LRP1B: variants seen among roughly 807,000 people sequenced by gnomAD.
The protein encoded by LRP1B is LDL receptor related protein 1B.
LRP1B carries 217 observed loss-of-function variants against 556.6 expected under a neutral mutation model. The ratio of observed to expected loss-of-function variants is 0.39; its 90% confidence interval spans 0.35 to 0.44. LRP1B has a LOEUF of 0.44. LRP1B is among the 20% of genes least tolerant of loss of function. The probability of loss-of-function intolerance (pLI) is 1.00; values close to 1 mark genes in which losing one functional copy is unlikely to be tolerated. For synonymous variants in LRP1B, 2,047 were observed against 1,865.8 expected, an observed-to-expected ratio of 1.10 and a Z score of -2.50; for missense variants, 5,053 against 5,620.8, an observed-to-expected ratio of 0.90 and a Z score of 3.23.
chr2:140,827,634 A>G (rs999111099), intron 31 of LRP1B, among the ~76,000 whole-genome samples: 1 of 152,086 alleles, frequency 6.6e-6, no homozygotes, highest in South Asian at 2.1e-4. Context: ...AATAACCTCA[A>G]AAGTGTAAAT....
intron 2 of LRP1B, among the ~76,000 whole-genome samples, chr2:141,647,046 A>G (rs748590809): frequency 6.6e-6 from 1 of 152,106 alleles, no homozygotes; most frequent in Non-Finnish European, 1.5e-5. Context: ...CAAAGGGGTT[A>G]TGGCGGTCAG....
intron 1 of LRP1B, among the ~76,000 whole-genome samples, chr2:142,003,023 G>A (rs1413233384): frequency 6.6e-6 from 1 of 152,128 alleles, no homozygotes; most frequent in Non-Finnish European, 1.5e-5. Flanking sequence ...AAACGTTTTA[G>A]TTATTAAAAA....
chr2:140,628,209 A>T (rs1339544552), intron 41 of LRP1B, among the ~76,000 whole-genome samples: 1 of 152,146 alleles, frequency 6.6e-6, no homozygotes, highest in Non-Finnish European at 1.5e-5. Flanking sequence ...GAGGACACCA[A>T]GTAAAATACT....
intron 2 of LRP1B, among the ~76,000 whole-genome samples, chr2:141,739,749 G>A (rs1025737049): frequency 6.6e-6 from 1 of 150,832 alleles, no homozygotes; most frequent in Non-Finnish European, 1.5e-5. Context: ...ATATGCAACA[G>A]TTTCTTTAAA....
chr2:142,016,874 A>ATATACACACACATATATG, intron 1 of LRP1B, among the ~76,000 whole-genome samples: 1 of 149,296 alleles, frequency 6.7e-6, no homozygotes, highest in South Asian at 2.2e-4. Context: ...ACATATATGT[A>ATATACACACACATATATG]TATATGTGTT....
chr2:141,958,076 C>T (rs1056536904), intron 1 of LRP1B, among the ~76,000 whole-genome samples: 5 of 151,964 alleles, frequency 3.3e-5, no homozygotes, highest in Non-Finnish European at 7.4e-5. Flanking sequence ...GATTACTGCT[C>T]CTTCAGAGAG....
intron 1 of LRP1B, among the ~76,000 whole-genome samples, chr2:142,032,388 C>T (rs79888942): frequency 0.031 from 4,735 of 151,778 alleles, 191 homozygotes; most frequent in East Asian, 0.17. Flanking sequence ...AATTTCTTAA[C>T]CTGTGTTAAA....
chr2:141,032,087 T>C (rs930382781), intron 11 of LRP1B, among the ~76,000 whole-genome samples: 3 of 152,062 alleles, frequency 2.0e-5, no homozygotes, highest in South Asian at 4.1e-4. Flanking sequence ...AAGTAATCAC[T>C]ATAAACAGTT....
At chr2:141,345,945 T>C (rs951243760) in intron 3 of LRP1B, among the ~76,000 whole-genome samples, 3 of 152,032 alleles carry the variant, frequency 2.0e-5, no homozygotes, top group African/African-American at 7.2e-5. Context: ...TTAATTTTGC[T>C]TTCCAACCCC....
chr2:141,826,354 G>GTTTTTT (rs70994454), intron 1 of LRP1B, among the ~76,000 whole-genome samples: 18 of 97,084 alleles, frequency 1.9e-4, no homozygotes, highest in South Asian at 7.8e-4. Context: ...CTTTTCAGAA[G>GTTTTTT]TTTTTTTTTT....
intron 18 of LRP1B, among the ~76,000 whole-genome samples, chr2:140,958,816 C>T (rs1695949295): frequency 2.6e-5 from 4 of 151,450 alleles, no homozygotes; most frequent in Admixed American, 1.3e-4. Context: ...GAAATTTACC[C>T]ACCACCCCCA....
chr2:141,113,331 A>T lies in LRP1B; in HGVS notation c.1014-51058T>A, dbSNP rs542132511. 2.0e-5 allele frequency among the ~76,000 whole-genome samples: 3 copies of T among 152,286 alleles called. No homozygotes were observed. The South Asian group carries it at 6.2e-4, about 32-fold the overall frequency. ...GACTATGGGTGTTTCTTAAATAAAG[A>T]TCCACTAAAAAGCTTTCTTAAATAA... On this transcript the variant is annotated intron_variant, in intron 7 of 90. Transcript: ENST00000389484.
intron 41 of LRP1B, among the ~76,000 whole-genome samples, chr2:140,676,572 A>C (rs538525377): frequency 6.6e-6 from 1 of 152,210 alleles, no homozygotes; most frequent in African/African-American, 2.4e-5. Context: ...TGCTGCTTTC[A>C]TTACAAGTTT....
rs148742990 is a variant in LRP1B at position 141,331,050 on chromosome 2, A to G, written c.344-76409T>C. ...TGGGATTACAGGCGTGACAAACCCT[A>G]TAGTAAGTTCAGGGTTCTACCTAAC... is the stretch of plus-strand genomic sequence containing the variant. On this transcript the variant is annotated intron_variant, in intron 3 of 90. Coordinates refer to ENST00000389484, the MANE Select transcript of LRP1B (RefSeq NM_018557.3). Among the ~76,000 whole-genome samples, 1,256 of 152,216 alleles carry G rather than the reference A, an allele frequency of 8.3e-3. 11 individuals are homozygous for G. Among genetic ancestry groups the G allele is most frequent in the Non-Finnish European group, 0.014 (932 of 67,996 alleles).
chr2:140,486,346 A>T (rs1204093141), intron 58 of LRP1B, among the ~76,000 whole-genome samples: 2 of 152,036 alleles, frequency 1.3e-5, no homozygotes, highest in Non-Finnish European at 2.9e-5. Flanking sequence ...GCACATTTGT[A>T]ACAATAAATG....
At chr2:140,468,020 T>A (rs576031406) in intron 60 of LRP1B, among the ~76,000 whole-genome samples, 2 of 152,264 alleles carry the variant, frequency 1.3e-5, no homozygotes, top group East Asian at 3.9e-4. Flanking sequence ...TTAGTATAGA[T>A]GGGTGGAAGC....
In LRP1B at chr2:141,651,759, AT is replaced by A. The variant is rs540933830; in HGVS notation, c.205+158519del. Among the ~76,000 whole-genome samples, 19 of 152,310 alleles carry A rather than the reference AT, an allele frequency of 1.2e-4. No homozygotes were observed. The East Asian group carries it at 3.7e-3, about 29-fold the overall frequency. Reference sequence around the variant, plus strand: ...ATCTAACTGGGTATCTTGAATTTTTATTTGCTAAATATGATAATCTTAACGT... The same window carrying A: ...ATCTAACTGGGTATCTTGAATTTTTATTGCTAAATATGATAATCTTAACGT... On this transcript the variant is annotated intron_variant, in intron 2 of 90. Transcript: ENST00000389484.
At chr2:141,280,403 C>T (rs954318585) in intron 3 of LRP1B, among the ~76,000 whole-genome samples, 2 of 151,928 alleles carry the variant, frequency 1.3e-5, no homozygotes, top group Admixed American at 6.6e-5. Context: ...TATGATTTAA[C>T]ACATATAATA....
chr2:141,549,590 G>C (rs1489193720), intron 2 of LRP1B, among the ~76,000 whole-genome samples: 1 of 151,972 alleles, frequency 6.6e-6, no homozygotes, highest in Non-Finnish European at 1.5e-5. Flanking sequence ...TTATTCCCTT[G>C]TTTTCTTTAA....
Sources: allele counts gnomAD v4.1 joint callset (sites outside exome capture counted in the v4.1 genomes callset), GRCh38; gene constraint gnomAD v4.1.1; transcripts MANE v1.5; gene names NCBI Gene and HGNC (gene_info 2026-07-23, HGNC 2026-07-21).